The following TCF12 variants were observed in gnomAD, a reference collection of about 807,000 sequenced individuals.
TCF12 encodes the protein DNA-binding protein HTF4.
TCF12 carries 45 observed loss-of-function variants against 86.0 expected under a neutral mutation model. The ratio of observed to expected loss-of-function variants is 0.52; its 90% CI spans 0.41 to 0.67. The LOEUF (loss-of-function observed/expected upper bound fraction) is 0.67. TCF12 is among the 30% of genes least tolerant of loss of function. The pLI, the probability that TCF12 is intolerant of heterozygous loss-of-function variation, is 0.00. For missense variants in TCF12, 881 were observed against 859.9 expected (o/e 1.02, Z -0.31); for synonymous variants, 330 against 299.6 (o/e 1.10, Z -1.05).
intron 14 of TCF12, 141 bp downstream of exon 14, chr15:57,251,564 A>G (rs781007167): frequency 1.3e-5 from 10 of 791,012 alleles, no homozygotes; most frequent in Non-Finnish European, 1.8e-5. Flanking sequence ...CATTTGAACA[A>G]TATAAGACAC....
intron 3 of TCF12, among the ~76,000 whole-genome samples, chr15:56,938,300 A>G (rs193288448): frequency 1.7e-3 from 259 of 152,018 alleles, no homozygotes; most frequent in African/African-American, 6.1e-3. Context: ...AGCTGGGATC[A>G]CAGGCACGTG....
intron 4 of TCF12, among the ~76,000 whole-genome samples, chr15:57,084,379 TAGTGCTAGTG>T (rs572136415): frequency 2.2e-4 from 34 of 152,304 alleles, no homozygotes; most frequent in Middle Eastern, 3.4e-3. Context: ...GGATTTGATG[TAGTGCTAGTG>T]AGTGCTAGTG....
chr15:57,144,643 G>A (rs766575606), intron 5 of TCF12, among the ~76,000 whole-genome samples: 3 of 152,078 alleles, frequency 2.0e-5, no homozygotes, highest in Admixed American at 6.6e-5. Context: ...CTGTAATCCA[G>A]GCTGGAGTGT....
At chr15:57,255,628 C>T (rs1302709401) in intron 16 of TCF12, among the ~76,000 whole-genome samples, 3 of 151,994 alleles carry the variant, frequency 2.0e-5, no homozygotes, top group African/African-American at 7.3e-5. Flanking sequence ...GGATTATAGG[C>T]ACCCGCCACC....
intron 13 of TCF12, 54 bp downstream of exon 13, chr15:57,243,604 T>C (rs759999248): frequency 2.2e-6 from 3 of 1,394,000 alleles, no homozygotes; most frequent in Non-Finnish European, 3.0e-6. Context: ...GAAATATTTC[T>C]AGTTCATTTA....
intron 12 of TCF12, among the ~76,000 whole-genome samples, chr15:57,238,738 T>C (rs2059481513): frequency 6.6e-6 from 1 of 152,232 alleles, no homozygotes; most frequent in Non-Finnish European, 1.5e-5. Context: ...TACAAGATAC[T>C]GGCATACAAT....
intron 6 of TCF12, among the ~76,000 whole-genome samples, chr15:57,167,931 C>G (rs1182947457): frequency 1.3e-5 from 2 of 152,144 alleles, no homozygotes; most frequent in East Asian, 1.9e-4. Flanking sequence ...TTTTGCCTTA[C>G]CAGCTCTTAC....
chr15:57,086,212 G>GATAACAATAATA (rs1555501431), intron 4 of TCF12, among the ~76,000 whole-genome samples: 33 of 141,622 alleles, frequency 2.3e-4, no homozygotes, highest in African/African-American at 7.8e-4. Flanking sequence ...GGATGATGAT[G>GATAACAATAATA]ATAATAATAA....
In TCF12 at chr15:57,263,321, T is replaced by TAAA. The variant is rs201261815; in HGVS notation, c.1745+48_1745+50dup. On this transcript the variant is annotated intron_variant, in intron 18 of 20. Transcript: ENST00000333725. ...TTAAATTTTATTCATTTTCCATAGG[T>TAAA]AAACATACTTGAGAAGCTGGGTGTC... The TAAA allele has an allele frequency of 1.7e-3, 2,730 of 1,570,270 alleles. 107 individuals carry two copies. The Admixed American group carries it at 0.049, about 28-fold the overall frequency.
Position 57,250,851 on chromosome 15 carries a change from G to A in TCF12, c.1115-499G>A, listed in dbSNP as rs569662192. The stretch of plus-strand genomic sequence containing the variant: ...GTGGAGGTTGCAGTGAGCCAAGATC[G>A]TGCCACTGCGCTCCAGCCTGGGCGA... On this transcript the variant is annotated intron_variant, in intron 13 of 20. Transcript: ENST00000333725. 1.2e-3 allele frequency among the ~76,000 whole-genome samples: 184 copies of A among 149,496 alleles called. 1 individual carries two copies. Among genetic ancestry groups the A allele is most frequent in the African/African-American group, 4.1e-3 (169 of 41,140 alleles).
chr15:57,070,455 G>A (rs2069276054), intron 4 of TCF12, among the ~76,000 whole-genome samples: 1 of 152,156 alleles, frequency 6.6e-6, no homozygotes. Flanking sequence ...GCCATAGATT[G>A]GGGCCTTGGG....
intron 4 of TCF12, among the ~76,000 whole-genome samples, chr15:57,080,943 C>T (rs1377831203): frequency 1.3e-5 from 2 of 152,094 alleles, no homozygotes; most frequent in Non-Finnish European, 2.9e-5. Flanking sequence ...TGTACCTATT[C>T]CCACCTTGGG....
At chr15:56,947,730 A>C (rs1226899113) in intron 3 of TCF12, among the ~76,000 whole-genome samples, 1 of 152,170 alleles carries the variant, frequency 6.6e-6, no homozygotes, top group Non-Finnish European at 1.5e-5. Flanking sequence ...TAGGAAGGTA[A>C]ATATGGTTAA....
At chr15:57,257,685 A>G (rs1417805179) in intron 16 of TCF12, among the ~76,000 whole-genome samples, 5 of 19,416 alleles carry the variant, frequency 2.6e-4, no homozygotes, top group South Asian at 2.7e-3. Context: ...AAGTGTATAT[A>G]TATATATATA....
intron 8 of TCF12, among the ~76,000 whole-genome samples, chr15:57,221,354 C>T (rs2058579014): frequency 1.3e-5 from 2 of 148,808 alleles, no homozygotes; most frequent in Admixed American, 1.4e-4. Context: ...GTAAAACAGT[C>T]TGAACATGGT....
chr15:57,265,605 T>G (rs1035251285), intron 18 of TCF12, among the ~76,000 whole-genome samples: 4 of 152,170 alleles, frequency 2.6e-5, no homozygotes, highest in African/African-American at 9.7e-5. Context: ...TGTATTTTGG[T>G]TTTTATTTAG....
chr15:57,009,628 C>G (rs1307177152), intron 3 of TCF12, among the ~76,000 whole-genome samples: 5 of 152,046 alleles, frequency 3.3e-5, no homozygotes, highest in African/African-American at 1.2e-4. Flanking sequence ...ATGCTCTTAC[C>G]TTTACAGCAA....
intron 6 of TCF12, among the ~76,000 whole-genome samples, chr15:57,171,263 C>T (rs1388883324): frequency 9.9e-5 from 15 of 150,862 alleles, no homozygotes; most frequent in South Asian, 4.2e-4. Context: ...AGGAGCAGTT[C>T]GTGAGCCCCA....
At chr15:57,051,071 A>AT (rs1555490564) in intron 3 of TCF12, among the ~76,000 whole-genome samples, 1 of 152,186 alleles carries the variant, frequency 6.6e-6, no homozygotes, top group Non-Finnish European at 1.5e-5. Flanking sequence ...TGTAGGTGAT[A>AT]TGTTGTAGAA....
Sources: gnomAD v4.1 joint callset for allele counts (sites outside exome capture counted in the v4.1 genomes callset) on GRCh38, gnomAD v4.1.1 for gene constraint, MANE v1.5 for transcripts, NCBI Gene and HGNC (gene_info 2026-07-23, HGNC 2026-07-21) for gene names.